Variants in SOX6 observed in about 807,000 individuals in gnomAD.
SOX6 encodes the protein transcription factor SOX-6.
In SOX6, 11 loss-of-function variants were observed where a neutral mutation model predicts 97.8. The observed-to-expected ratio is 0.11, with a 90% CI of 0.07 to 0.19. SOX6 has a LOEUF of 0.19. Among genes scored for constraint, SOX6 ranks in the 10% least tolerant of loss-of-function variants. SOX6 has a pLI of 1.00. For missense variants in SOX6, 810 were observed against 1,039.5 expected, an observed-to-expected ratio of 0.78 and a Z score of 3.04; for synonymous variants, 360 against 371.4, an observed-to-expected ratio of 0.97 and a Z score of 0.35.
At chr11:16,573,501 A>G (rs1341368797) in intron 4 of SOX6, among the ~76,000 whole-genome samples, 1 of 152,132 alleles carries the variant, frequency 6.6e-6, no homozygotes, top group Non-Finnish European at 1.5e-5. Context: ...TCAAATATTT[A>G]TGTTTCAAAG....
At chr11:16,708,668 A>G (rs907161185) in intron 3 of SOX6, among the ~76,000 whole-genome samples, 4 of 152,282 alleles carry the variant, frequency 2.6e-5, no homozygotes, top group Admixed American at 2.6e-4. Context: ...GCTTAAAGCT[A>G]CTCATTAAAT....
In SOX6 at chr11:16,524,033, G is replaced by A. The variant is rs1301491896; in HGVS notation, n.610-47645C>T. Among the ~76,000 whole-genome samples, 5 of 152,222 alleles carry A rather than the reference G, an allele frequency of 3.3e-5. No homozygotes were observed. The East Asian group carries it at 5.8e-4, about 18-fold the overall frequency. ...AGAGGGACCAGATGGATTCACAGCT[G>A]AATTCTACCAGAGGTACAAGGAGGA... is the stretch of plus-strand genomic sequence containing the variant. On this transcript the variant is annotated intron_variant and non_coding_transcript_variant, in intron 4 of 5. Transcript: ENST00000524520.
chr11:16,361,012 A>AG (rs11441530), upstream of SOX6, among the ~76,000 whole-genome samples: 45,362 of 149,194 alleles, frequency 0.3, 7,423 homozygotes, highest in African/African-American at 0.37. Context: ...CAAAAAAAAA[A>AG]AAGAAGAAGA....
chr11:16,063,282 T>C (rs917572171), intron 9 of SOX6, among the ~76,000 whole-genome samples: 1 of 150,896 alleles, frequency 6.6e-6, no homozygotes, highest in African/African-American at 2.4e-5. Context: ...AAGCAGTAGG[T>C]CCTACCAATC....
intron 9 of SOX6, among the ~76,000 whole-genome samples, chr11:16,087,746 T>G (rs1394910075): frequency 6.6e-6 from 1 of 152,160 alleles, no homozygotes; most frequent in Non-Finnish European, 1.5e-5. Flanking sequence ...GCAGTCTCAT[T>G]TCTTTATTAT....
intron 6 of SOX6, among the ~76,000 whole-genome samples, chr11:16,137,661 T>C (rs1223375902): frequency 1.3e-5 from 2 of 152,192 alleles, no homozygotes; most frequent in African/African-American, 2.4e-5. Flanking sequence ...CTAAAAGATA[T>C]GGAAATTATC....
chr11:16,534,640 T>C (rs1369613434), intron 4 of SOX6, among the ~76,000 whole-genome samples: 1 of 152,124 alleles, frequency 6.6e-6, no homozygotes, highest in African/African-American at 2.4e-5. Flanking sequence ...GAGCACTGAA[T>C]TATAACTAAC....
intron 6 of SOX6, among the ~76,000 whole-genome samples, chr11:16,133,062 T>C (rs74823667): frequency 1.3e-5 from 2 of 152,150 alleles, no homozygotes; most frequent in Non-Finnish European, 2.9e-5. Context: ...TAAAAAAAAA[T>C]GGCCTAATTT....
intron 4 of SOX6, among the ~76,000 whole-genome samples, chr11:16,573,087 G>A (rs1348276967): frequency 6.6e-6 from 1 of 152,084 alleles, no homozygotes; most frequent in East Asian, 1.9e-4. Flanking sequence ...CAATATAATA[G>A]CTCCTGAAAG....
intron 1 of SOX6, among the ~76,000 whole-genome samples, chr11:16,389,992 A>AAAAAAAAAAAAAAAAAC (rs1436185296): frequency 6.7e-6 from 1 of 149,738 alleles, no homozygotes; most frequent in African/African-American, 2.5e-5. Context: ...AAAAAAAAAA[A>AAAAAAAAAAAAAAAAAC]AAAAGAAGCT....
intron 12 of SOX6, among the ~76,000 whole-genome samples, chr11:16,025,562 A>C (rs1855194679): frequency 6.6e-6 from 1 of 152,204 alleles, no homozygotes; most frequent in Non-Finnish European, 1.5e-5. Context: ...GCCTCATCTG[A>C]GGTACCTGTT....
intron 15 of SOX6, among the ~76,000 whole-genome samples, chr11:15,984,446 C>A (rs1853763335): frequency 6.6e-6 from 1 of 152,156 alleles, no homozygotes; most frequent in Middle Eastern, 3.2e-3. Flanking sequence ...AGGTCCCAAA[C>A]TTAAACTTTG....
At chr11:16,167,161 C>T (rs1292783867) in intron 6 of SOX6, among the ~76,000 whole-genome samples, 1 of 152,140 alleles carries the variant, frequency 6.6e-6, no homozygotes, top group Non-Finnish European at 1.5e-5. Flanking sequence ...CTTCCAGACC[C>T]TCACTCACTG....
intron 3 of SOX6, among the ~76,000 whole-genome samples, chr11:16,290,637 A>G (rs1295961841): frequency 6.6e-6 from 1 of 152,084 alleles, no homozygotes; most frequent in South Asian, 2.1e-4. Flanking sequence ...GTGTTCTTCA[A>G]TCCTTCATAA....
At chr11:16,404,702 AC>A (rs923061524) in intron 1 of SOX6, among the ~76,000 whole-genome samples, 1 of 151,826 alleles carries the variant, frequency 6.6e-6, no homozygotes, top group Non-Finnish European at 1.5e-5. Context: ...TAAAAGACAC[AC>A]CCCAAGCCGT....
chr11:16,340,721 C>T (rs1490344433), intron 2 of SOX6, among the ~76,000 whole-genome samples: 1 of 151,944 alleles, frequency 6.6e-6, no homozygotes, highest in African/African-American at 2.4e-5. Context: ...CCAAGTTAAC[C>T]ACCTTAAATT....
intron 7 of SOX6, among the ~76,000 whole-genome samples, chr11:16,099,790 C>G (rs1848896270): frequency 6.6e-6 from 1 of 151,194 alleles, no homozygotes; most frequent in African/African-American, 2.4e-5. Context: ...TTCCAGCTCA[C>G]CTGCTGGCTA....
chr11:16,701,381 A>T (rs1848092054), intron 3 of SOX6, among the ~76,000 whole-genome samples: 1 of 152,208 alleles, frequency 6.6e-6, no homozygotes, highest in Admixed American at 6.5e-5. Context: ...TATGTTAAGG[A>T]ACTGGTAGAG....
chr11:16,713,860 G>A (rs1251627975), intron 3 of SOX6, among the ~76,000 whole-genome samples: 1 of 152,300 alleles, frequency 6.6e-6, no homozygotes, highest in Non-Finnish European at 1.5e-5. Context: ...GTCACTTGGA[G>A]AACCAATGGA....
Sources: allele counts gnomAD v4.1 joint callset (sites outside exome capture counted in the v4.1 genomes callset), GRCh38; gene constraint gnomAD v4.1.1; transcripts MANE v1.5; gene names NCBI Gene and HGNC (gene_info 2026-07-23, HGNC 2026-07-21).